NRCAM: variants seen among roughly 807,000 people sequenced by gnomAD.
NRCAM encodes the protein neuronal cell adhesion molecule, also known as NgCAM-related cell adhesion molecule.
A neutral mutation model predicts 156.5 loss-of-function variants in NRCAM; 83 were observed. The ratio of observed to expected loss-of-function variants is 0.53; its 90% confidence interval spans 0.44 to 0.64. NRCAM has a LOEUF of 0.64. Ranked by LOEUF, NRCAM falls within the 30% of genes least tolerant of loss-of-function variation. The pLI, the probability that NRCAM is intolerant of heterozygous loss-of-function variation, is 0.00. For missense variants in NRCAM, 1,417 were observed against 1,597.3 expected (o/e 0.89, Z 1.92); for synonymous variants, 538 against 563.9 (o/e 0.95, Z 0.65).
At chr7:108,245,011 C>T (rs969517869) in intron 3 of NRCAM, among the ~76,000 whole-genome samples, 4 of 152,164 alleles carry the variant, frequency 2.6e-5, no homozygotes, top group African/African-American at 9.7e-5. Context: ...TTCACTGAGC[C>T]TTTTCTATGT....
chr7:108,420,001 T>C lies in NRCAM; in HGVS notation c.-331-20408A>G, dbSNP rs948499081. On this transcript the variant is annotated intron_variant, in intron 1 of 32. Coordinates refer to ENST00000379028, the MANE Select transcript of NRCAM (RefSeq NM_001037132.4). ...TAGTTATTTGGTAGCAAACCAAGAA[T>C]TTACAAATTTAAGTACTTACAAATA... 2.0e-5 allele frequency among the ~76,000 whole-genome samples: 3 copies of C among 152,014 alleles called. No individual in the cohort carries two copies. The South Asian group carries it at 6.2e-4, about 32-fold the overall frequency.
chr7:108,236,839 G>C (rs891172475), intron 5 of NRCAM, among the ~76,000 whole-genome samples: 1 of 152,050 alleles, frequency 6.6e-6, no homozygotes, highest in Non-Finnish European at 1.5e-5. Flanking sequence ...GAGTGGGGGA[G>C]GGGATTCTTA....
chr7:108,178,577 T>C (rs2061892866), intron 25 of NRCAM, among the ~76,000 whole-genome samples: 1 of 152,188 alleles, frequency 6.6e-6, no homozygotes, highest in Non-Finnish European at 1.5e-5. Context: ...TGGGCCAGCA[T>C]GCCCAGGTGC....
At chr7:108,321,056 T>C (rs2098995403) in intron 2 of NRCAM, among the ~76,000 whole-genome samples, 1 of 152,246 alleles carries the variant, frequency 6.6e-6, no homozygotes, top group South Asian at 2.1e-4. Context: ...TAGACTATCA[T>C]TCAAGTTCAG....
intron 2 of NRCAM, among the ~76,000 whole-genome samples, chr7:108,322,399 T>C (rs2099013344): frequency 6.6e-6 from 1 of 152,216 alleles, no homozygotes; most frequent in African/African-American, 2.4e-5. Context: ...CAAATATGAC[T>C]CTGATGTAGC....
intron 2 of NRCAM, among the ~76,000 whole-genome samples, chr7:108,353,877 T>C (rs2099453283): frequency 6.6e-6 from 1 of 152,236 alleles, no homozygotes; most frequent in African/African-American, 2.4e-5. Context: ...CATTATAATC[T>C]CCATTGCACA....
Position 108,181,912 on chromosome 7 carries a change from C to T in NRCAM, c.2556G>A (p.Val852=). The T allele has an allele frequency of 6.2e-7, 1 of 1,614,070 alleles. No individual in the cohort carries two copies. Among genetic ancestry groups the T allele is most frequent in the Non-Finnish European group, 8.5e-7 (1 of 1,179,990 alleles). ...EDLPMVAPGN[V]RVNVVNSTLA... ...AGGTACTGTTCACCACATTCACACG[C>T]ACGTTCCCAGGAGCCACCATTGGGA... is the stretch of plus-strand genomic sequence containing the variant. The change falls in exon 24 of 33, where the codon GTG becomes GTA. Residue 852 remains valine, a synonymous_variant. Coordinates refer to ENST00000379028, the MANE Select transcript of NRCAM (RefSeq NM_001037132.4).
intron 2 of NRCAM, among the ~76,000 whole-genome samples, chr7:108,390,501 T>C (rs2154374407): frequency 6.6e-6 from 1 of 152,278 alleles, no homozygotes; most frequent in African/African-American, 2.4e-5. Flanking sequence ...CTATCAATTT[T>C]GTTGATTTTT....
rs2097923109 is a variant in NRCAM at position 108,283,222 on chromosome 7, G to C, written c.-107+29443C>G. ...GGTTTTAGAATTCTTCAGATTGTTA[G>C]TGAAAGACTATTACATAACTGTCTT... On this transcript the variant is annotated intron_variant, in intron 3 of 32. Transcript: ENST00000379028. Among the ~76,000 whole-genome samples, 5 of 152,196 alleles carry C rather than the reference G, an allele frequency of 3.3e-5. No individual in the cohort carries two copies. In the South Asian group the frequency reaches 8.3e-4, roughly 25 times the overall value.
At chr7:108,215,324 T>C (rs2087529926) in intron 11 of NRCAM, among the ~76,000 whole-genome samples, 2 of 151,742 alleles carry the variant, frequency 1.3e-5, no homozygotes, top group Admixed American at 1.3e-4. Context: ...GCCATTCTCC[T>C]GCCTCAGCCT....
chr7:108,312,262 G>T (rs946846395), intron 3 of NRCAM, among the ~76,000 whole-genome samples: 3 of 152,096 alleles, frequency 2.0e-5, no homozygotes, highest in Non-Finnish European at 2.9e-5. Flanking sequence ...TATACCCTCA[G>T]GAGACTTTTG....
At chr7:108,411,532 T>C (rs1026971426) in intron 1 of NRCAM, among the ~76,000 whole-genome samples, 12 of 152,200 alleles carry the variant, frequency 7.9e-5, no homozygotes, top group African/African-American at 1.7e-4. Context: ...TGGGCCTAGA[T>C]CTTTTCTATT....
At chr7:108,245,246 C>T (rs1221592689) in intron 3 of NRCAM, among the ~76,000 whole-genome samples, 1 of 152,040 alleles carries the variant, frequency 6.6e-6, no homozygotes, top group Admixed American at 6.6e-5. Context: ...CCGAGAGGTC[C>T]CTAGCATTTC....
At chr7:108,208,030 A>G (rs1439536807) in intron 12 of NRCAM, among the ~76,000 whole-genome samples, 2 of 152,092 alleles carry the variant, frequency 1.3e-5, no homozygotes, top group African/African-American at 4.8e-5. Flanking sequence ...ATGGTGGCTC[A>G]TGCCTGTAAT....
intron 2 of NRCAM, among the ~76,000 whole-genome samples, chr7:108,395,888 G>T (rs2099775417): frequency 6.6e-6 from 1 of 152,182 alleles, no homozygotes; most frequent in Non-Finnish European, 1.5e-5. Flanking sequence ...AGTGGTGAAA[G>T]CTGACCTCCC....
At chr7:108,350,606 T>A (rs1474672825) in intron 2 of NRCAM, among the ~76,000 whole-genome samples, 4 of 152,244 alleles carry the variant, frequency 2.6e-5, no homozygotes, top group Admixed American at 6.5e-5. Flanking sequence ...TTCATTATTT[T>A]GCCCTGACTG....
chr7:108,183,022 T>A, intron 22 of NRCAM, 102 bp from the exon 23 acceptor site: 4 of 924,060 alleles, frequency 4.3e-6, no homozygotes, highest in Non-Finnish European at 6.7e-6. Flanking sequence ...AAAGTGATCA[T>A]TGAAATACTA....
intron 2 of NRCAM, among the ~76,000 whole-genome samples, chr7:108,326,453 T>C (rs1173211549): frequency 1.3e-5 from 2 of 152,174 alleles, no homozygotes; most frequent in Non-Finnish European, 2.9e-5. Context: ...AATTTCAGGG[T>C]AAGGCTAAGT....
At chr7:108,274,074 G>T (rs900890022) in intron 3 of NRCAM, among the ~76,000 whole-genome samples, 28 of 152,106 alleles carry the variant, frequency 1.8e-4, no homozygotes, top group African/African-American at 6.8e-4. Flanking sequence ...TTATTTCTGA[G>T]GTCTCTGTTC....
Sources: allele counts gnomAD v4.1 joint callset (sites outside exome capture counted in the v4.1 genomes callset), GRCh38; gene constraint gnomAD v4.1.1; transcripts MANE v1.5; gene names NCBI Gene and HGNC (gene_info 2026-07-23, HGNC 2026-07-21).